RFTN1: variants seen among roughly 807,000 people sequenced by gnomAD.
The protein encoded by RFTN1 is raftlin.
Under a neutral mutation model 46.5 loss-of-function variants are expected in RFTN1, and 26 were observed. The ratio of observed to expected loss-of-function variants is 0.56; its 90% CI spans 0.41 to 0.78. The LOEUF (loss-of-function observed/expected upper bound fraction) is 0.78. Ranked by LOEUF, RFTN1 falls within the 30% of genes least tolerant of loss-of-function variation. RFTN1 has a pLI of 0.00. For synonymous variants in RFTN1, 261 were observed against 284.2 expected, an observed-to-expected ratio of 0.92 and a Z score of 0.82; for missense variants, 693 against 718.7, an observed-to-expected ratio of 0.96 and a Z score of 0.41.
In RFTN1 at chr3:16,513,575, G is replaced by A. The variant is rs1226007757; in HGVS notation, c.-142C>T. 9 of 152,520 alleles carry A rather than the reference G, an allele frequency of 5.9e-5. No individual in the cohort carries two copies. The East Asian group carries it at 1.5e-3, about 26-fold the overall frequency. The allele number at this position is 152,520 out of a possible 1,614,324, so 9.4% of individuals were successfully genotyped here. On this transcript the variant is annotated 5_prime_UTR_variant, in exon 1 of 10. Coordinates refer to ENST00000334133, the MANE Select transcript of RFTN1 (RefSeq NM_015150.2). This position sits in a 1 kb window ranked among gnomAD's most constrained non-coding sequence, Gnocchi z 5.4. ...TTGGGCGCCGGTGGGTGGAGGCGTG[G>A]GCGGTGGCGCCGCGTGGTCGTGTGT...
intron 8 of RFTN1, among the ~76,000 whole-genome samples, chr3:16,325,678 C>T (rs1362528787): frequency 2.0e-5 from 3 of 152,144 alleles, no homozygotes; most frequent in African/African-American, 7.2e-5. Flanking sequence ...TTTCCAGTGG[C>T]CAAGGGGCTC....
At chr3:16,415,706 A>G (rs1426987125) in intron 3 of RFTN1, among the ~76,000 whole-genome samples, 2 of 152,084 alleles carry the variant, frequency 1.3e-5, no homozygotes, top group Non-Finnish European at 2.9e-5. Flanking sequence ...GAAGAAAACA[A>G]AGAGAACACG....
rs536597685 is a variant in RFTN1, at chr3:16,460,505, G to A, written c.146-26468C>T. On this transcript the variant is annotated intron_variant, in intron 2 of 9. Coordinates refer to ENST00000334133, the MANE Select transcript of RFTN1 (RefSeq NM_015150.2). This position sits in a 1 kb window ranked among gnomAD's most constrained non-coding sequence, Gnocchi z 4.8. The stretch of plus-strand genomic sequence containing the variant: ...CACCTGGGCAAGCAAAGTGAAGTGG[G>A]AAATAAAATAGTTGGATCAATGACG... Among the ~76,000 whole-genome samples, 2 of 152,176 alleles carry A rather than the reference G, an allele frequency of 1.3e-5. No homozygotes were observed. The highest frequency in any genetic ancestry group is 2.9e-5 in the Non-Finnish European group (2 of 68,010).
chr3:16,424,364 T>C lies in RFTN1; in HGVS notation c.332+9487A>G, dbSNP rs570111020. ...AGTGGGGAATGAGGGAAGGTCATGG[T>C]ATCTTTTGGTTACAAAACAGTGTAT... On this transcript the variant is annotated intron_variant, in intron 3 of 9. Transcript: ENST00000334133. This position sits in a 1 kb window ranked among gnomAD's most constrained non-coding sequence, Gnocchi z 4.7. Among the ~76,000 whole-genome samples the C allele has an allele frequency of 3.3e-5, 5 of 152,210 alleles. No individual in the cohort carries two copies. Among genetic ancestry groups the C allele is most frequent in the African/African-American group, 4.8e-5 (2 of 41,462 alleles).
intron 1 of RFTN1, among the ~76,000 whole-genome samples, chr3:16,494,131 C>A (rs1203023726): frequency 6.6e-6 from 1 of 152,116 alleles, no homozygotes; most frequent in Non-Finnish European, 1.5e-5. Flanking sequence ...AAAAGCATAC[C>A]TGTTTTATAT....
intron 2 of RFTN1, among the ~76,000 whole-genome samples, chr3:16,491,782 A>C (rs61675664): frequency 0.54 from 77,288 of 142,250 alleles, 19,906 homozygotes; most frequent in Admixed American, 0.58. Context: ...AACAAACAAA[A>C]AAAAAAAACA....
At position 16,431,930 on chromosome 3, in the gene RFTN1, C is replaced by G. The variant is rs1054176891; in HGVS notation, c.332+1921G>C. 3.3e-5 allele frequency among the ~76,000 whole-genome samples: 5 copies of G among 152,212 alleles called. No individual in the cohort carries two copies. In the South Asian group the frequency reaches 1.0e-3, roughly 32 times the overall value. The stretch of plus-strand genomic sequence containing the variant: ...TTAAGAATGCAGGTACGGGAGACAG[C>G]CTTCCTGGGAGCAAGGCAGAACTCT... On this transcript the variant is annotated intron_variant, in intron 3 of 9. Coordinates refer to ENST00000334133, the MANE Select transcript of RFTN1 (RefSeq NM_015150.2).
At chr3:16,493,631 CA>C in intron 2 of RFTN1, 93 bp downstream of exon 2, 3 of 1,197,856 alleles carry the variant, frequency 2.5e-6, no homozygotes, top group Non-Finnish European at 2.3e-6. Flanking sequence ...TCACAGCCCC[CA>C]CCCCATCCAG....
intron 1 of RFTN1, among the ~76,000 whole-genome samples, chr3:16,495,997 A>G (rs1024303358): frequency 1.3e-4 from 20 of 152,280 alleles, no homozygotes; most frequent in Admixed American, 2.6e-4. Context: ...GAGGACACAA[A>G]AAGCTCTAAC....
In RFTN1 at chr3:16,455,452, G is replaced by A. The variant is rs2075889606; in HGVS notation, c.146-21415C>T. On this transcript the variant is annotated intron_variant, in intron 2 of 9. Coordinates refer to ENST00000334133, the MANE Select transcript of RFTN1 (RefSeq NM_015150.2). ...GGAAAACAAAACCCTAGGATGACAA[G>A]CATGCAAATTAACACTGAAACCAGG... 3.3e-5 allele frequency among the ~76,000 whole-genome samples: 5 copies of A among 152,264 alleles called. No homozygotes were observed. The South Asian group carries it at 1.0e-3, about 32-fold the overall frequency.
rs558559753 is a variant in RFTN1, at chr3:16,473,553, G to A, written c.145+20172C>T. Among the ~76,000 whole-genome samples the A allele has an allele frequency of 2.6e-5, 4 of 151,750 alleles. No individual in the cohort carries two copies. The highest frequency in any genetic ancestry group is 7.3e-5 in the African/African-American group (3 of 41,374). ...GGAGCTGGGACTACAGGCATGCACC[G>A]CCCTGCCTGGCTAATTTTTTTGTAT... On this transcript the variant is annotated intron_variant, in intron 2 of 9. Coordinates refer to ENST00000334133, the MANE Select transcript of RFTN1 (RefSeq NM_015150.2). The surrounding 1 kb of genome is among the most constrained non-coding windows in gnomAD (Gnocchi z 5.3).
rs922421493 is a variant in RFTN1 at position 16,336,416 on chromosome 3, G to A, written c.1147-9540C>T. Among the ~76,000 whole-genome samples, 4 of 152,148 alleles carry A rather than the reference G, an allele frequency of 2.6e-5. No homozygotes were observed. The highest frequency in any genetic ancestry group is 6.5e-5 in the Admixed American group (1 of 15,278). On this transcript the variant is annotated intron_variant, in intron 7 of 9. Coordinates refer to ENST00000334133, the MANE Select transcript of RFTN1 (RefSeq NM_015150.2). The surrounding 1 kb of genome is among the most constrained non-coding windows in gnomAD (Gnocchi z 6.0). ...AAGGGAAGGGGCGACCTGCTGCTCT[G>A]TGGAGAAACAGCAAAGCCCTCTGCA...
chr3:16,476,753 A>T (rs780859539), intron 2 of RFTN1, among the ~76,000 whole-genome samples: 3 of 152,172 alleles, frequency 2.0e-5, no homozygotes, highest in South Asian at 2.1e-4. Context: ...ATCGTGGGGG[A>T]AACTGTTTGT....
chr3:16,487,781 G>A (rs1181101483), intron 2 of RFTN1, among the ~76,000 whole-genome samples: 2 of 152,224 alleles, frequency 1.3e-5, no homozygotes, highest in Non-Finnish European at 1.5e-5. Flanking sequence ...CTGGCACAGA[G>A]AGGCTGGCAA....
At chr3:16,412,225 C>T (rs1029765358) in intron 3 of RFTN1, among the ~76,000 whole-genome samples, 2 of 152,150 alleles carry the variant, frequency 1.3e-5, no homozygotes, top group Non-Finnish European at 2.9e-5. Context: ...AAGTAATAGG[C>T]GTTCTCCTGC....
intron 2 of RFTN1, among the ~76,000 whole-genome samples, chr3:16,464,748 C>T (rs1338409708): frequency 6.6e-6 from 1 of 152,242 alleles, no homozygotes; most frequent in African/African-American, 2.4e-5. Flanking sequence ...TTGTCTATGG[C>T]TGCTTTGGCA....
rs538493973 is a variant in RFTN1 at position 16,500,252 on chromosome 3, A to G, written c.-8-6375T>C. Among the ~76,000 whole-genome samples the G allele has an allele frequency of 2.0e-4, 31 of 152,340 alleles. No homozygotes were observed. Among genetic ancestry groups the G allele is most frequent in the Admixed American group, 5.9e-4 (9 of 15,304 alleles). On this transcript the variant is annotated intron_variant, in intron 1 of 9. Coordinates refer to ENST00000334133, the MANE Select transcript of RFTN1 (RefSeq NM_015150.2). The surrounding 1 kb of genome is among the most constrained non-coding windows in gnomAD (Gnocchi z 5.9). ...CACCTCACACTGACACCTAATGTCA[A>G]TCAGATTACCTATTTTATGTGTGAG...
Position 16,336,324 on chromosome 3 carries a change from G to T in RFTN1, c.1147-9448C>A, listed in dbSNP as rs1422138070. On this transcript the variant is annotated intron_variant, in intron 7 of 9. Coordinates refer to ENST00000334133, the MANE Select transcript of RFTN1 (RefSeq NM_015150.2). This position sits in a 1 kb window ranked among gnomAD's most constrained non-coding sequence, Gnocchi z 6.0. ...TCTGCCCCAGGAGATCCCAGTCTAG[G>T]GGTGGGGAGAACAAGCACATGGTTC... 6.6e-6 allele frequency among the ~76,000 whole-genome samples: 1 copy of T among 152,166 alleles called. No individual in the cohort carries two copies. Among genetic ancestry groups the T allele is most frequent in the Non-Finnish European group, 1.5e-5 (1 of 68,016 alleles).
rs1406471342 is a variant in RFTN1 at position 16,457,990 on chromosome 3, G to A, written c.146-23953C>T. 6.6e-6 allele frequency among the ~76,000 whole-genome samples: 1 copy of A among 152,076 alleles called. No individual in the cohort carries two copies. Among genetic ancestry groups the A allele is most frequent in the Non-Finnish European group, 1.5e-5 (1 of 68,004 alleles). ...GGACACAGCATTCCACCCCTCTGGA[G>A]GATGCAAAAACAAGTCACTATCTTG... On this transcript the variant is annotated intron_variant, in intron 2 of 9. Transcript: ENST00000334133. This position sits in a 1 kb window ranked among gnomAD's most constrained non-coding sequence, Gnocchi z 4.2.
Sources: allele counts gnomAD v4.1 joint callset (sites outside exome capture counted in the v4.1 genomes callset), GRCh38; gene constraint gnomAD v4.1.1; non-coding constraint Gnocchi (gnomAD v3.1); transcripts MANE v1.5; gene names NCBI Gene and HGNC (gene_info 2026-07-23, HGNC 2026-07-21).